The following CRLS1 variants were observed in gnomAD, a reference collection of about 807,000 sequenced individuals.
The protein encoded by CRLS1 is cardiolipin synthase 1.
In CRLS1, 24 loss-of-function variants were observed where a neutral mutation model predicts 37.0. The ratio of observed to expected loss-of-function variants is 0.65; its 90% CI spans 0.47 to 0.91. The LOEUF is 0.91. Ranked by LOEUF, CRLS1 falls within the 40% of genes least tolerant of loss-of-function variation. The pLI is 0.00. For missense variants in CRLS1, 373 were observed against 395.8 expected, an observed-to-expected ratio of 0.94 and a Z score of 0.49; for synonymous variants, 135 against 159.7, an observed-to-expected ratio of 0.85 and a Z score of 1.17.
intron 1 of CRLS1, among the ~76,000 whole-genome samples, chr20:6,009,532 G>T (rs980801951): frequency 1.3e-5 from 2 of 152,050 alleles, no homozygotes; most frequent in Non-Finnish European, 2.9e-5. Flanking sequence ...CTCCTGAAGT[G>T]CAGGGATTAT....
At chr20:6,022,027 T>A (rs1343191256) in intron 3 of CRLS1, among the ~76,000 whole-genome samples, 1 of 152,226 alleles carries the variant, frequency 6.6e-6, no homozygotes, top group Non-Finnish European at 1.5e-5. Flanking sequence ...GTTTATACAA[T>A]GTTCATTTAA....
intron 3 of CRLS1, among the ~76,000 whole-genome samples, chr20:6,020,939 G>A (rs1364656707): frequency 6.6e-6 from 1 of 151,348 alleles, no homozygotes; most frequent in Non-Finnish European, 1.5e-5. Context: ...GCCTAATCCT[G>A]CTTTTTAAGT....
rs746637754 is a variant in CRLS1 at position 6,015,507 on chromosome 20, C to A, written c.574+17C>A. 3.1e-6 allele frequency: 5 copies of A among 1,610,666 alleles called. No individual in the cohort carries two copies. Among genetic ancestry groups the A allele is most frequent in the East Asian group, 2.2e-5 (1 of 44,764 alleles). On this transcript the variant is annotated intron_variant, in intron 3 of 6. Coordinates refer to ENST00000378863, the MANE Select transcript of CRLS1 (RefSeq NM_019095.6). The stretch of plus-strand genomic sequence containing the variant: ...TTATTCCAGGTAAGAACGCGTCATG[C>A]GTACTTTTGAATAGCACAGGGAAGA...
In CRLS1 at chr20:6,018,285, C is replaced by A. The variant is rs540624826; in HGVS notation, c.574+2795C>A. Reference sequence around the variant, plus strand: ...TGATATGAAAAAATCAGTACTGTTTCTAATGTTGATTGTTATGTCTAGCGA... The same window carrying A: ...TGATATGAAAAAATCAGTACTGTTTATAATGTTGATTGTTATGTCTAGCGA... On this transcript the variant is annotated intron_variant, in intron 3 of 6. Transcript: ENST00000378863. 1.1e-4 allele frequency among the ~76,000 whole-genome samples: 17 copies of A among 149,276 alleles called. No homozygotes were observed. The South Asian group carries it at 3.2e-3, about 28-fold the overall frequency.
intron 1 of CRLS1, chr20:6,007,526 A>G: frequency 9.8e-7 from 1 of 1,015,782 alleles, no homozygotes; most frequent in Non-Finnish European, 1.5e-6. Flanking sequence ...ATGTGGAGCT[A>G]AAAAGAACTC....
At chr20:6,030,267 G>C (rs568922812) in intron 3 of CRLS1, among the ~76,000 whole-genome samples, 2 of 152,060 alleles carry the variant, frequency 1.3e-5, no homozygotes, top group Admixed American at 1.3e-4. Context: ...AGGAAATAGG[G>C]GTTCCTTGGG....
chr20:6,007,155 G>T, intron 1 of CRLS1: 1 of 1,126,108 alleles, frequency 8.9e-7, no homozygotes, highest in Non-Finnish European at 1.2e-6. Context: ...ACCCGAGCAT[G>T]AGTGTGGGAG....
At chr20:6,017,981 G>C (rs6133281) in intron 3 of CRLS1, among the ~76,000 whole-genome samples, 4 of 151,746 alleles carry the variant, frequency 2.6e-5, no homozygotes, top group African/African-American at 9.7e-5. Context: ...ACTTTGGGGG[G>C]CTGAGGTGGG....
Position 6,015,347 on chromosome 20 carries a change from A to C in CRLS1, c.445-14A>C, listed in dbSNP as rs757078288. On this transcript the variant is annotated splice_polypyrimidine_tract_variant and intron_variant, in intron 2 of 6. Transcript: ENST00000378863. ...ATGACATTTATATATATAAAAAAAA[A>C]CTTCTATTTTCAGTTGGATGGATTT... 108 of 1,533,134 alleles carry C rather than the reference A, an allele frequency of 7.0e-5. No individual in the cohort carries two copies. Among genetic ancestry groups the C allele is most frequent in the African/African-American group, 6.1e-4 (44 of 71,970 alleles). The allele number at this position is 1,533,134 out of a possible 1,614,324, so 95.0% of individuals were successfully genotyped here. A position where few individuals can be genotyped will look rare whatever the true frequency, so the allele number is the denominator to read the frequency against.
intron 3 of CRLS1, among the ~76,000 whole-genome samples, chr20:6,019,412 T>C (rs1207890511): frequency 1.3e-5 from 2 of 152,122 alleles, no homozygotes; most frequent in Non-Finnish European, 2.9e-5. Context: ...GGAGCAGGGC[T>C]ACCCTATAGG....
At chr20:6,035,952 C>A (rs1269219181) in intron 6 of CRLS1, among the ~76,000 whole-genome samples, 1 of 151,926 alleles carries the variant, frequency 6.6e-6, no homozygotes, top group Non-Finnish European at 1.5e-5. Flanking sequence ...TTACAGGCGC[C>A]CACCACCATA....
chr20:6,017,946 A>G (rs2122955858), intron 3 of CRLS1, among the ~76,000 whole-genome samples: 1 of 152,262 alleles, frequency 6.6e-6, no homozygotes, highest in African/African-American at 2.4e-5. Context: ...GGCCGGGCAC[A>G]ATGGCTTGCC....
At chr20:6,007,416 C>A in intron 1 of CRLS1, 9 of 1,613,188 alleles carry the variant, frequency 5.6e-6, no homozygotes, top group Non-Finnish European at 7.6e-6. Context: ...CACAGGTTAT[C>A]TGGTTGAGTA....
At chr20:6,012,841 A>G (rs898239252) in intron 2 of CRLS1, among the ~76,000 whole-genome samples, 1 of 152,180 alleles carries the variant, frequency 6.6e-6, no homozygotes, top group Non-Finnish European at 1.5e-5. Context: ...CCAGTCAGGA[A>G]CCCTGGGAAG....
intron 3 of CRLS1, among the ~76,000 whole-genome samples, chr20:6,029,111 A>G (rs1979945041): frequency 6.6e-6 from 1 of 150,486 alleles, no homozygotes; most frequent in South Asian, 2.1e-4. Context: ...TGACTTTTGG[A>G]TGGGCAGTCA....
chr20:6,026,353 A>C (rs1568627075), intron 3 of CRLS1: 1 of 145,236 alleles, frequency 6.9e-6, no homozygotes, highest in East Asian at 1.9e-4. Context: ...ATATATATAT[A>C]TTTAGACAGT....
At chr20:6,029,643 G>A (rs1021268091) in intron 3 of CRLS1, among the ~76,000 whole-genome samples, 30 of 152,348 alleles carry the variant, frequency 2.0e-4, no homozygotes, top group African/African-American at 7.2e-4. Context: ...ACAGGCATGA[G>A]CCACCGTGCA....
At position 6,038,420 on chromosome 20, in the gene CRLS1, G is replaced by C. The variant is rs1348390188; in HGVS notation, c.*1262G>C. On this transcript the variant is annotated 3_prime_UTR_variant, in exon 7 of 7. Coordinates refer to ENST00000378863, the MANE Select transcript of CRLS1 (RefSeq NM_019095.6). ...CTGTAAGTAAAACTCATGCCTCTTG[G>C]CCAGGCATTCTGCACCAGCGTGTCC... 6.6e-6 allele frequency: 1 copy of C among 152,314 alleles called. No individual in the cohort carries two copies. The highest frequency in any genetic ancestry group is 6.5e-5 in the Admixed American group (1 of 15,280). 9.4% of individuals were successfully genotyped at this position (152,314 alleles called of 1,614,324 possible). A position where few individuals can be genotyped will look rare whatever the true frequency, so the allele number is the denominator to read the frequency against.
At position 6,015,456 on chromosome 20, in the gene CRLS1, A is replaced by G. The variant is rs773286368; in HGVS notation, c.540A>G (p.Leu180=). 2 of 1,613,080 alleles carry G rather than the reference A, an allele frequency of 1.2e-6. No individual in the cohort carries two copies. Among genetic ancestry groups the G allele is most frequent in the South Asian group, 1.1e-5 (1 of 91,050 alleles). The change falls in exon 3 of 7, where the codon TTA becomes TTG. Residue 180 remains leucine (L), a synonymous_variant. Transcript: ENST00000378863. ...CTGATAAAATACTTATCAGTATCTT[A>G]TATGTTAGCTTGACCTATGCAGATC... ...PLADKILISI[L]YVSLTYADLI... is the part of the protein sequence containing the mutation.
Sources: allele counts gnomAD v4.1 joint callset (sites outside exome capture counted in the v4.1 genomes callset), GRCh38; gene constraint gnomAD v4.1.1; transcripts MANE v1.5; gene names NCBI Gene and HGNC (gene_info 2026-07-23, HGNC 2026-07-21).